Variants in CNKSR2 observed in about 807,000 individuals in gnomAD.
CNKSR2 encodes connector enhancer of kinase suppressor of Ras 2, also known as CNK homolog protein 2.
CNKSR2 carries 14 observed loss-of-function variants against 84.4 expected under a neutral mutation model. The observed-to-expected ratio is 0.17, with a 90% confidence interval of 0.11 to 0.26. The LOEUF (loss-of-function observed/expected upper bound fraction) is 0.26, where lower values mean the gene tolerates loss of function less well. CNKSR2 is among the 10% of genes least tolerant of loss of function. The pLI is 1.00. For missense variants in CNKSR2, 485 were observed against 771.2 expected (o/e 0.63, Z 4.40); for synonymous variants, 275 against 277.9 (o/e 0.99, Z 0.10).
chrX:21,646,180 C>T (rs774532121), intron 20 of CNKSR2, among the ~76,000 whole-genome samples: 1 of 111,127 alleles, frequency 9.0e-6, no homozygotes, highest in African/African-American at 3.3e-5. Flanking sequence ...ATAGGAGCCA[C>T]ACTATCCCAT....
At chrX:21,426,321 C>A in intron 1 of CNKSR2, 176 bp from the exon 2 acceptor site, 1 of 412,543 alleles carries the variant, frequency 2.4e-6, no homozygotes, top group African/African-American at 2.6e-5. Context: ...AAGTGATTTT[C>A]TTTTTCACTG....
intron 11 of CNKSR2, among the ~76,000 whole-genome samples, chrX:21,545,106 C>T (rs887341425): frequency 1.8e-5 from 2 of 111,434 alleles, no homozygotes; most frequent in Non-Finnish European, 3.8e-5. Flanking sequence ...GATCCCACCC[C>T]GACAGAGCCC....
At position 21,374,627 on chromosome X, in the gene CNKSR2, AGCAGCC is replaced by A. The variant is rs1369232243; in HGVS notation, c.-268_-263del. On this transcript the variant is annotated 5_prime_UTR_variant, in exon 1 of 22. Transcript: ENST00000379510. The stretch of plus-strand genomic sequence containing the variant: ...CAGCAGCAGCAGCAGCAGCAGCAGC[AGCAGCC>A]GCCGCCGCCGCCGCCTTAGCGGGAA... 2.2e-5 allele frequency: 11 copies of A among 491,819 alleles called. No individual in the cohort carries two copies. Among genetic ancestry groups the A allele is most frequent in the East Asian group, 7.9e-5 (2 of 25,379 alleles). The allele number at this position is 491,819 out of a possible 1,213,427, so 40.5% of individuals were successfully genotyped here.
chrX:21,618,967 G>A (rs2092590044), intron 20 of CNKSR2, among the ~76,000 whole-genome samples: 2 of 111,517 alleles, frequency 1.8e-5, no homozygotes, highest in South Asian at 7.4e-4. Flanking sequence ...CAACATCTTT[G>A]TTACCTTATA....
chrX:21,376,802 A>G (rs1263227864), intron 1 of CNKSR2, among the ~76,000 whole-genome samples: 1 of 111,927 alleles, frequency 8.9e-6, no homozygotes, highest in African/African-American at 3.3e-5. Flanking sequence ...GCAAATTCCC[A>G]TGATGCCTGT....
intron 1 of CNKSR2, among the ~76,000 whole-genome samples, chrX:21,402,822 G>A (rs1335667619): frequency 9.0e-6 from 1 of 110,697 alleles, no homozygotes; most frequent in Non-Finnish European, 1.9e-5. Context: ...AACTTTACCA[G>A]ACATTAAAAT....
intron 10 of CNKSR2, 49 bp downstream of exon 10, chrX:21,527,049 C>G: frequency 1.8e-6 from 2 of 1,108,556 alleles, no homozygotes; most frequent in South Asian, 4.0e-5. Context: ...AAAGGTAAAC[C>G]TAACAGCATA....
intron 13 of CNKSR2, among the ~76,000 whole-genome samples, chrX:21,585,673 CAGTT>C (rs1163956268): frequency 3.6e-5 from 4 of 111,006 alleles, no homozygotes; most frequent in Non-Finnish European, 7.5e-5. Flanking sequence ...TAAATCCACT[CAGTT>C]AGGCAGGCTT....
At chrX:21,579,053 C>T (rs1445769249) in intron 13 of CNKSR2, among the ~76,000 whole-genome samples, 1 of 112,016 alleles carries the variant, frequency 8.9e-6, no homozygotes, top group African/African-American at 3.2e-5. Flanking sequence ...GTAGACCTGG[C>T]TGCTGACTCA....
chrX:21,590,741 T>C, intron 14 of CNKSR2, 121 bp downstream of exon 14: 1 of 678,454 alleles, frequency 1.5e-6, no homozygotes, highest in Non-Finnish European at 2.2e-6. Flanking sequence ...ACAACCCCCT[T>C]GTGCGAAAGC....
intron 5 of CNKSR2, among the ~76,000 whole-genome samples, chrX:21,472,867 A>C (rs1301998700): frequency 9.0e-6 from 1 of 111,383 alleles, no homozygotes; most frequent in African/African-American, 3.2e-5. Flanking sequence ...AATTAGACTA[A>C]GGAAATAATC....
At chrX:21,405,197 T>G (rs1439270459) in intron 1 of CNKSR2, among the ~76,000 whole-genome samples, 1 of 111,610 alleles carries the variant, frequency 9.0e-6, no homozygotes, top group Non-Finnish European at 1.9e-5. Context: ...AATAATCTCA[T>G]TAGGATCTTG....
At chrX:21,642,807 T>G (rs1201054387) in intron 20 of CNKSR2, 2 of 734,685 alleles carry the variant, frequency 2.7e-6, no homozygotes, top group Non-Finnish European at 3.2e-6. Flanking sequence ...AAGTAATCAG[T>G]GCTTCTTTCT....
chrX:21,397,106 G>A (rs990006192), intron 1 of CNKSR2, among the ~76,000 whole-genome samples: 2 of 110,671 alleles, frequency 1.8e-5, no homozygotes, highest in African/African-American at 6.5e-5. Context: ...TTCTCCTGAT[G>A]GTCTTCTAAT....
At chrX:21,468,218 G>A (rs1420284645) in intron 4 of CNKSR2, among the ~76,000 whole-genome samples, 1 of 110,263 alleles carries the variant, frequency 9.1e-6, no homozygotes, top group Non-Finnish European at 1.9e-5. Context: ...ATTAATATTT[G>A]CTGAATCAAG....
intron 3 of CNKSR2, among the ~76,000 whole-genome samples, chrX:21,439,107 A>T (rs1033754091): frequency 9.0e-6 from 1 of 111,725 alleles, no homozygotes. Flanking sequence ...AGAGCACTTC[A>T]TCCAACAACA....
At chrX:21,599,342 GTGT>G (rs2092468084) in intron 17 of CNKSR2, among the ~76,000 whole-genome samples, 4 of 16,473 alleles carry the variant, frequency 2.4e-4, no homozygotes, top group Admixed American at 1.1e-3. Flanking sequence ...TTGTTTTGGT[GTGT>G]GTGTGTGTGT....
At chrX:21,563,185 A>G in intron 12 of CNKSR2, 53 bp from the exon 13 acceptor site, 2 of 946,761 alleles carry the variant, frequency 2.1e-6, no homozygotes, top group East Asian at 6.8e-5. Context: ...AAAGAATGGT[A>G]AATTTGGGGT....
intron 20 of CNKSR2, among the ~76,000 whole-genome samples, chrX:21,623,911 A>T (rs1353116382): frequency 8.9e-6 from 1 of 111,800 alleles, no homozygotes; most frequent in African/African-American, 3.2e-5. Context: ...GTCCTCCATT[A>T]TATGGAGCAG....
Sources: allele counts gnomAD v4.1 joint callset (sites outside exome capture counted in the v4.1 genomes callset), GRCh38; gene constraint gnomAD v4.1.1; transcripts MANE v1.5; gene names NCBI Gene and HGNC (gene_info 2026-07-23, HGNC 2026-07-21).